The following TRAPPC9 variants were observed in gnomAD, a reference collection of about 807,000 sequenced individuals.
The protein encoded by TRAPPC9 is IKK2 binding protein.
In TRAPPC9, 83 loss-of-function variants were observed where a neutral mutation model predicts 124.0. The ratio of observed to expected loss-of-function variants is 0.67; its 90% CI spans 0.56 to 0.80. TRAPPC9 has a LOEUF of 0.80. TRAPPC9 is among the 30% of genes least tolerant of loss of function. The probability of loss-of-function intolerance (pLI) is 0.00; values close to 1 mark genes in which losing one functional copy is unlikely to be tolerated. For missense variants in TRAPPC9, 1,302 were observed against 1,508.3 expected, an observed-to-expected ratio of 0.86 and a Z score of 2.27; for synonymous variants, 638 against 617.5, an observed-to-expected ratio of 1.03 and a Z score of -0.49.
intron 15 of TRAPPC9, among the ~76,000 whole-genome samples, chr8:140,268,271 C>T (rs926614386): frequency 1.3e-4 from 16 of 122,640 alleles, no homozygotes; most frequent in African/African-American, 5.4e-4. Context: ...CTCCGCCTCC[C>T]TCACCCTCCC....
chr8:139,894,792 G>A (rs1041898498), intron 20 of TRAPPC9, among the ~76,000 whole-genome samples: 2 of 152,164 alleles, frequency 1.3e-5, no homozygotes, highest in African/African-American at 2.4e-5. Context: ...GTCATCTCAC[G>A]GCCCTCATGG....
intron 21 of TRAPPC9, among the ~76,000 whole-genome samples, chr8:139,862,768 G>A (rs921005190): frequency 3.3e-5 from 5 of 152,232 alleles, no homozygotes; most frequent in Non-Finnish European, 7.3e-5. Flanking sequence ...GGGGAAGCAC[G>A]GTGAGGCCAG....
At chr8:139,786,422 G>T (rs542570426) in intron 21 of TRAPPC9, among the ~76,000 whole-genome samples, 1 of 152,230 alleles carries the variant, frequency 6.6e-6, no homozygotes, top group East Asian at 1.9e-4. Context: ...GTGCGGTGGG[G>T]AGGCGGAGGA....
rs751670503 is a variant in TRAPPC9, at chr8:140,450,967, G to A, written c.407C>T (p.Pro136Leu). The A allele has an allele frequency of 1.2e-6, 2 of 1,614,148 alleles. No individual in the cohort carries two copies. Among genetic ancestry groups the A allele is most frequent in the East Asian group, 2.2e-5 (1 of 44,880 alleles). Residue 136 changes from proline to leucine, a missense_variant, in exon 2 of 23, where the codon CCC (proline) becomes CTC (leucine). Pro to Leu is a moderately conservative substitution (Grantham distance 98). This residue lies in a region of TRAPPC9 where 657 missense variants were observed against 811.2 expected (regional missense o/e 0.81). Coordinates refer to ENST00000438773, the MANE Select transcript of TRAPPC9 (RefSeq NM_001160372.4). ...EQPRTDVAFYPNYEDCQTVEK... is the reference protein window; with the variant it reads ...EQPRTDVAFYLNYEDCQTVEK... ...CACCGTCTGGCAGTCCTCGTAGTTG[G>A]GGTAGAAAGCCACGTCGGTGCGCGG...
chr8:140,225,043 G>A (rs535316619), intron 16 of TRAPPC9, among the ~76,000 whole-genome samples: 119 of 152,334 alleles, frequency 7.8e-4, no homozygotes, highest in Non-Finnish European at 1.4e-3. Flanking sequence ...CATATACTGT[G>A]AGGTTATACA....
intron 21 of TRAPPC9, among the ~76,000 whole-genome samples, chr8:139,837,505 A>C (rs1471763140): frequency 6.6e-6 from 1 of 152,110 alleles, no homozygotes; most frequent in Non-Finnish European, 1.5e-5. Context: ...ACGCTCCCCC[A>C]CCAGCCCCCT....
intron 17 of TRAPPC9, among the ~76,000 whole-genome samples, chr8:140,107,318 C>T (rs780430963): frequency 1.3e-5 from 2 of 152,114 alleles, no homozygotes; most frequent in South Asian, 2.1e-4. Flanking sequence ...AGGCTTTTTA[C>T]GGTCATTCCT....
chr8:139,885,969 G>A lies in TRAPPC9; in HGVS notation c.2965C>T (p.Pro989Ser). Reference sequence around the variant, plus strand: ...GCCTCGCCACTGCGCTTCAGGGAGGGGTGAGCCTTGGTCAAGGAAAACGCA... The same window carrying A: ...GCCTCGCCACTGCGCTTCAGGGAGGAGTGAGCCTTGGTCAAGGAAAACGCA... ...HSKLGICWRI[P>S]SLKRSGEASV... The change falls in exon 21 of 23, where the codon CCC becomes TCC. Residue 989 changes from proline (P) to serine (S), a missense_variant and splice_region_variant. Pro to Ser is a moderately conservative substitution (Grantham distance 74). Coordinates refer to ENST00000438773, the MANE Select transcript of TRAPPC9 (RefSeq NM_001160372.4). The A allele has an allele frequency of 6.4e-7, 1 of 1,562,446 alleles. No homozygotes were observed. Among genetic ancestry groups the A allele is most frequent in the Non-Finnish European group, 8.7e-7 (1 of 1,152,618 alleles).
chr8:140,291,472 T>C (rs1449542822), intron 11 of TRAPPC9, among the ~76,000 whole-genome samples: 1 of 152,198 alleles, frequency 6.6e-6, no homozygotes, highest in African/African-American at 2.4e-5. Context: ...CCTATTCCCC[T>C]AAGATTGTGA....
At chr8:140,414,887 G>T (rs886433408) in intron 5 of TRAPPC9, among the ~76,000 whole-genome samples, 4 of 151,924 alleles carry the variant, frequency 2.6e-5, no homozygotes, top group Non-Finnish European at 5.9e-5. Flanking sequence ...GATTACAGAC[G>T]TGCCAACATG....
At position 140,239,656 on chromosome 8, in the gene TRAPPC9, G is replaced by A. The variant is rs74698511; in HGVS notation, c.2431+13121C>T. Among the ~76,000 whole-genome samples, 1,148 of 152,306 alleles carry A rather than the reference G, an allele frequency of 7.5e-3. 21 individuals carry two copies. The highest frequency in any genetic ancestry group is 0.026 in the African/African-American group (1,072 of 41,574). On this transcript the variant is annotated intron_variant, in intron 16 of 22. Coordinates refer to ENST00000438773, the MANE Select transcript of TRAPPC9 (RefSeq NM_001160372.4). Reference sequence around the variant, plus strand: ...CTGGACACCTACACCAACACACCGTGCACTCCGCCAGGTCCTCTGCTCTCG... The same window carrying A: ...CTGGACACCTACACCAACACACCGTACACTCCGCCAGGTCCTCTGCTCTCG...
chr8:139,937,730 G>A (rs1443810408), intron 19 of TRAPPC9, among the ~76,000 whole-genome samples: 1 of 152,220 alleles, frequency 6.6e-6, no homozygotes, highest in African/African-American at 2.4e-5. Flanking sequence ...AAGGCGCAGT[G>A]TGAAGCGGAA....
chr8:139,763,528 C>CACTGTGCCAGGTTCTAG (rs1820374608), intron 21 of TRAPPC9, among the ~76,000 whole-genome samples: 1 of 148,708 alleles, frequency 6.7e-6, no homozygotes, highest in African/African-American at 2.4e-5. Context: ...CCAGGTTCTA[C>CACTGTGCCAGGTTCTAG]AAACAAAACA....
At position 140,216,175 on chromosome 8, in the gene TRAPPC9, C is replaced by G. The variant is rs1211975360; in HGVS notation, c.2556+5284G>C. ...TCCTTAGAGGATAATAGCACCTACT[C>G]AAACAACTCTCAAGGGAATCCAAAA... On this transcript the variant is annotated intron_variant, in intron 17 of 22. Coordinates refer to ENST00000438773, the MANE Select transcript of TRAPPC9 (RefSeq NM_001160372.4). This position sits in a 1 kb window ranked among gnomAD's most constrained non-coding sequence, Gnocchi z 4.1. The G allele has an allele frequency of 6.6e-6, 1 of 152,210 alleles. No individual in the cohort carries two copies. 9.4% of individuals were successfully genotyped at this position (152,210 alleles called of 1,614,324 possible). A position where few individuals can be genotyped will look rare whatever the true frequency, so the allele number is the denominator to read the frequency against.
chr8:140,334,649 C>CCAAA (rs749560933), intron 9 of TRAPPC9, among the ~76,000 whole-genome samples: 1 of 145,940 alleles, frequency 6.9e-6, no homozygotes, highest in Non-Finnish European at 1.5e-5. Flanking sequence ...GACTCTGTCA[C>CCAAA]TAAATAAATA....
intron 16 of TRAPPC9, among the ~76,000 whole-genome samples, chr8:140,222,393 C>A (rs1283276993): frequency 6.6e-6 from 1 of 152,214 alleles, no homozygotes; most frequent in Non-Finnish European, 1.5e-5. Flanking sequence ...GCATGTCCAA[C>A]CCAAAAGGAA....
intron 17 of TRAPPC9, among the ~76,000 whole-genome samples, chr8:140,106,585 T>A (rs1310578925): frequency 6.6e-6 from 1 of 152,040 alleles, no homozygotes; most frequent in Non-Finnish European, 1.5e-5. Context: ...GTGTTCTTGG[T>A]CGTGGGGGAG....
chr8:139,802,963 TTG>T (rs1460581747), intron 21 of TRAPPC9, among the ~76,000 whole-genome samples: 8 of 151,180 alleles, frequency 5.3e-5, no homozygotes, highest in South Asian at 2.1e-4. Context: ...ATGTGTGCTG[TTG>T]TGTGAGTGCA....
At chr8:139,731,639 G>A (rs776160250) in intron 22 of TRAPPC9, among the ~76,000 whole-genome samples, 6 of 152,078 alleles carry the variant, frequency 3.9e-5, no homozygotes, top group East Asian at 1.9e-4. Context: ...TGGAAGGAGC[G>A]GCAGGCACGG....
Sources: allele counts gnomAD v4.1 joint callset (sites outside exome capture counted in the v4.1 genomes callset), GRCh38; gene constraint gnomAD v4.1.1; regional missense constraint gnomAD v4.1.1; non-coding constraint Gnocchi (gnomAD v3.1); transcripts MANE v1.5; gene names NCBI Gene and HGNC (gene_info 2026-07-23, HGNC 2026-07-21).